The following TUSC3 variants were observed in gnomAD, a reference collection of about 807,000 sequenced individuals.
TUSC3 encodes the protein dolichyl-diphosphooligosaccharide--protein glycosyltransferase subunit TUSC3.
A neutral mutation model predicts 44.8 loss-of-function variants in TUSC3; 45 were observed. The ratio of observed to expected loss-of-function variants is 1.00; its 90% CI spans 0.79 to 1.29. The LOEUF (loss-of-function observed/expected upper bound fraction) is 1.29. TUSC3 is among the 50% of genes most tolerant of loss of function. TUSC3 has a pLI of 0.00. For missense variants in TUSC3, 519 were observed against 437.9 expected, an observed-to-expected ratio of 1.19 and a Z score of -1.65; for synonymous variants, 212 against 152.9, an observed-to-expected ratio of 1.39 and a Z score of -2.85.
At chr8:15,438,716 C>T (rs946037903) in intron 1 of TUSC3, among the ~76,000 whole-genome samples, 1 of 152,162 alleles carries the variant, frequency 6.6e-6, no homozygotes, top group African/African-American at 2.4e-5. Context: ...AGTCCTTGCT[C>T]TTATATAGGA....
chr8:15,851,900 C>G, the TUSC3 span, among the ~76,000 whole-genome samples: 1 of 152,148 alleles, frequency 6.6e-6, no homozygotes, highest in Non-Finnish European at 1.5e-5. Context: ...TTCCCCCATA[C>G]TGTTCTCGTG....
At chr8:15,772,776 C>T in the TUSC3 span, among the ~76,000 whole-genome samples, 1 of 152,126 alleles carries the variant, frequency 6.6e-6, no homozygotes, top group Non-Finnish European at 1.5e-5. Context: ...AACAATCCAG[C>T]AGGATACTAA....
At chr8:15,510,711 G>T (rs527610727) in intron 2 of TUSC3, among the ~76,000 whole-genome samples, 1 of 152,094 alleles carries the variant, frequency 6.6e-6, no homozygotes, top group South Asian at 2.1e-4. Context: ...ATTTAAGAGC[G>T]GGGAATGCTT....
intron 1 of TUSC3, among the ~76,000 whole-genome samples, chr8:15,612,251 C>G (rs1223576724): frequency 6.6e-6 from 1 of 152,110 alleles, no homozygotes; most frequent in East Asian, 1.9e-4. Flanking sequence ...TAGCTGCCCC[C>G]CTGGCAGAGG....
At chr8:15,649,519 G>A (rs1271884804) in intron 2 of TUSC3, among the ~76,000 whole-genome samples, 1 of 151,540 alleles carries the variant, frequency 6.6e-6, no homozygotes, top group East Asian at 1.9e-4. Flanking sequence ...GGGAGGCGGA[G>A]CTTGCAGTGA....
intron 2 of TUSC3, among the ~76,000 whole-genome samples, chr8:15,495,097 T>C (rs932871060): frequency 1.3e-5 from 2 of 152,252 alleles, no homozygotes; most frequent in African/African-American, 2.4e-5. Context: ...TTCTTTTTTA[T>C]GATGGCATAG....
chr8:15,453,952 G>C (rs1800224462), intron 1 of TUSC3, among the ~76,000 whole-genome samples: 1 of 152,160 alleles, frequency 6.6e-6, no homozygotes, highest in East Asian at 1.9e-4. Flanking sequence ...GTGGGCTCAA[G>C]CATGTACACT....
intron 9 of TUSC3, among the ~76,000 whole-genome samples, chr8:15,749,423 C>T (rs1015965938): frequency 1.3e-5 from 2 of 151,998 alleles, no homozygotes; most frequent in Non-Finnish European, 2.9e-5. Flanking sequence ...AAGAATAAGA[C>T]CCTTCAGCCC....
chr8:15,540,625 C>A, intron 1 of TUSC3, 57 bp downstream of exon 1: 2 of 1,475,564 alleles, frequency 1.4e-6, no homozygotes, highest in Non-Finnish European at 1.8e-6. Flanking sequence ...GGGTGGGCCG[C>A]GTTGCCAGGC....
intron 1 of TUSC3, chr8:15,483,350 G>C (rs1404254512): frequency 4.3e-6 from 1 of 231,582 alleles, no homozygotes; most frequent in Non-Finnish European, 8.7e-6. Context: ...GTTTTGTTTT[G>C]TTTTTTTGAG....
At chr8:15,419,715 C>G (rs1443107889) in intron 1 of TUSC3, among the ~76,000 whole-genome samples, 1 of 152,158 alleles carries the variant, frequency 6.6e-6, no homozygotes, top group Non-Finnish European at 1.5e-5. Context: ...ATCTCTATGA[C>G]TTTATACAGC....
chr8:15,691,998 C>G (rs916316969), intron 6 of TUSC3, among the ~76,000 whole-genome samples: 1 of 152,122 alleles, frequency 6.6e-6, no homozygotes, highest in Non-Finnish European at 1.5e-5. Context: ...CCAGGCTGGT[C>G]TTGAATTCTT....
chr8:15,577,462 C>G (rs548966930), intron 1 of TUSC3, among the ~76,000 whole-genome samples: 3 of 151,568 alleles, frequency 2.0e-5, no homozygotes, highest in Non-Finnish European at 4.4e-5. Flanking sequence ...ATGTTTAAAT[C>G]TTTAATCCAT....
intron 2 of TUSC3, among the ~76,000 whole-genome samples, chr8:15,631,896 A>G (rs919748891): frequency 6.6e-6 from 1 of 151,878 alleles, no homozygotes; most frequent in Admixed American, 6.6e-5. Context: ...TTTAGTAGAG[A>G]TGGGGTTTCA....
At chr8:15,684,689 T>C (rs1370711848) in intron 6 of TUSC3, among the ~76,000 whole-genome samples, 7 of 152,150 alleles carry the variant, frequency 4.6e-5, no homozygotes, top group African/African-American at 1.7e-4. Context: ...CTCTGTGTTC[T>C]GAGATTGAGG....
intron 4 of TUSC3, among the ~76,000 whole-genome samples, chr8:15,661,329 C>T (rs1177966926): frequency 2.6e-5 from 4 of 151,988 alleles, no homozygotes; most frequent in Non-Finnish European, 5.9e-5. Context: ...ATTGTCATGT[C>T]TTGTAAGCTT....
chr8:15,653,342 C>G (rs1366988335), intron 3 of TUSC3, among the ~76,000 whole-genome samples: 1 of 152,130 alleles, frequency 6.6e-6, no homozygotes, highest in Non-Finnish European at 1.5e-5. Flanking sequence ...TGAAATTTCT[C>G]TCTTTAAAAT....
chr8:15,487,671 A>G (rs1800751129), intron 2 of TUSC3, among the ~76,000 whole-genome samples: 1 of 152,202 alleles, frequency 6.6e-6, no homozygotes, highest in African/African-American at 2.4e-5. Flanking sequence ...TGTACCACCT[A>G]ATCTGTTACT....
At position 15,582,034 on chromosome 8, in the gene TUSC3, T is replaced by G. The variant is rs1340792384; in HGVS notation, c.139-41046T>G. Among the ~76,000 whole-genome samples the G allele has an allele frequency of 9.9e-5, 15 of 152,230 alleles. No homozygotes were observed. In the South Asian group the frequency reaches 1.2e-3, roughly 13 times the overall value. On this transcript the variant is annotated intron_variant, in intron 1 of 10. Coordinates refer to ENST00000503731, the MANE Select transcript of TUSC3 (RefSeq NM_006765.4). Reference sequence around the variant, plus strand: ...TGGTGCGCCGCTTTTTAAGCCGGTCTGAAAAGCGCAATATTCGGGTGGCAG... The same window carrying G: ...TGGTGCGCCGCTTTTTAAGCCGGTCGGAAAAGCGCAATATTCGGGTGGCAG...
Sources: gnomAD v4.1 joint callset for allele counts (sites outside exome capture counted in the v4.1 genomes callset) on GRCh38, gnomAD v4.1.1 for gene constraint, MANE v1.5 for transcripts, NCBI Gene and HGNC (gene_info 2026-07-23, HGNC 2026-07-21) for gene names.